RALGAPA2: variants seen among roughly 807,000 people sequenced by gnomAD.
RALGAPA2 encodes Ral GTPase activating protein catalytic subunit alpha 2, also known as ral GTPase-activating protein subunit alpha-2.
In RALGAPA2, 139 loss-of-function variants were observed where a neutral mutation model predicts 230.4. The observed-to-expected ratio is 0.60, with a 90% CI of 0.53 to 0.69. The LOEUF is 0.69. RALGAPA2 is among the 30% of genes least tolerant of loss of function. The pLI is 0.00. For synonymous variants in RALGAPA2, 847 were observed against 837.8 expected, an observed-to-expected ratio of 1.01 and a Z score of -0.19; for missense variants, 2,163 against 2,276.0, an observed-to-expected ratio of 0.95 and a Z score of 1.01.
intron 24 of RALGAPA2, among the ~76,000 whole-genome samples, chr20:20,545,992 G>A (rs1374771189): frequency 6.6e-6 from 1 of 152,178 alleles, no homozygotes; most frequent in East Asian, 1.9e-4. Context: ...CTTGAGCTCA[G>A]GAGTTTGAGG....
chr20:20,450,480 T>C (rs867033874), intron 37 of RALGAPA2, among the ~76,000 whole-genome samples: 2 of 152,256 alleles, frequency 1.3e-5, no homozygotes, highest in African/African-American at 2.4e-5. Context: ...CTAATTGGAA[T>C]TGCTTCACTT....
At chr20:20,641,329 T>C (rs995499123) in intron 5 of RALGAPA2, among the ~76,000 whole-genome samples, 1 of 152,222 alleles carries the variant, frequency 6.6e-6, no homozygotes, top group African/African-American at 2.4e-5. Context: ...ACGGCCTCAA[T>C]TATCCATAAA....
intron 11 of RALGAPA2, among the ~76,000 whole-genome samples, chr20:20,619,953 A>T (rs559504775): frequency 6.6e-6 from 1 of 152,312 alleles, no homozygotes; most frequent in South Asian, 2.1e-4. Context: ...TCTAACATGG[A>T]CAGTGGCCCC....
intron 20 of RALGAPA2, among the ~76,000 whole-genome samples, chr20:20,577,428 T>C (rs2064855044): frequency 6.6e-6 from 1 of 152,130 alleles, no homozygotes; most frequent in Non-Finnish European, 1.5e-5. Flanking sequence ...CACTGTTCCT[T>C]CTTAGAGGAA....
At chr20:20,515,545 A>G (rs2062843707) in intron 31 of RALGAPA2, among the ~76,000 whole-genome samples, 1 of 152,198 alleles carries the variant, frequency 6.6e-6, no homozygotes, top group African/African-American at 2.4e-5. Flanking sequence ...ACACATCCCT[A>G]TGAGGGAATC....
At chr20:20,567,562 C>T (rs554367457) in intron 23 of RALGAPA2, among the ~76,000 whole-genome samples, 59 of 152,278 alleles carry the variant, frequency 3.9e-4, no homozygotes, top group African/African-American at 1.3e-3. Flanking sequence ...TGGACCAATA[C>T]GCTTGCTGTG....
chr20:20,549,725 A>C (rs1278330066), intron 23 of RALGAPA2, among the ~76,000 whole-genome samples: 1 of 152,236 alleles, frequency 6.6e-6, no homozygotes, highest in African/African-American at 2.4e-5. Flanking sequence ...GGACATCCAC[A>C]AAATGCCCCA....
chr20:20,424,470 T>C (rs2060340388), intron 37 of RALGAPA2, among the ~76,000 whole-genome samples: 1 of 152,356 alleles, frequency 6.6e-6, no homozygotes, highest in South Asian at 2.1e-4. Context: ...AGTTCTGCCA[T>C]GCTGACGCCA....
intron 35 of RALGAPA2, 148 bp downstream of exon 35, chr20:20,503,203 C>T (rs557859474): frequency 2.8e-4 from 193 of 688,814 alleles, no homozygotes; most frequent in Non-Finnish European, 2.1e-4. Flanking sequence ...ACATTTAAGA[C>T]GCCTTCTTTC....
rs774951808 is a variant in RALGAPA2 at position 20,640,858 on chromosome 20, C to A, written c.393G>T (p.Arg131Ser). ...GTGCTTGAAGCCACAGAAGAAACAG[C>A]CTGATTCCTTCACATCTTATCTAAA... Reference protein sequence around the residue: ...NSIKIRCEGIRLFLLWLQALQ... With the variant: ...NSIKIRCEGISLFLLWLQALQ... The change falls in exon 6 of 40, where the codon AGG becomes AGT. Residue 131 changes from arginine to serine, a missense_variant. By Grantham distance (110) the Arg-to-Ser change is moderately radical. Coordinates refer to ENST00000202677, the MANE Select transcript of RALGAPA2 (RefSeq NM_020343.4). The A allele has an allele frequency of 1.2e-6, 2 of 1,612,584 alleles. No individual in the cohort carries two copies. The highest frequency in any genetic ancestry group is 2.2e-5 in the South Asian group (2 of 90,950).
rs183448505 is a variant in RALGAPA2 at position 20,523,970 on chromosome 20, G to T, written c.3900+436C>A. 8.7e-3 allele frequency among the ~76,000 whole-genome samples: 1,292 copies of T among 149,296 alleles called. 18 individuals carry two copies. The highest frequency in any genetic ancestry group is 0.01 in the Non-Finnish European group (705 of 67,782). ...CAGTCCTTAAGTTATTTACTTTTTTGGGGGGGGATGGAGTCTCGCTCTGTT... is the reference window on the plus strand; with the variant it reads ...CAGTCCTTAAGTTATTTACTTTTTTTGGGGGGGATGGAGTCTCGCTCTGTT... On this transcript the variant is annotated intron_variant, in intron 30 of 39. Coordinates refer to ENST00000202677, the MANE Select transcript of RALGAPA2 (RefSeq NM_020343.4).
At chr20:20,686,323 A>G (rs980847637) in intron 1 of RALGAPA2, among the ~76,000 whole-genome samples, 2 of 152,198 alleles carry the variant, frequency 1.3e-5, no homozygotes, top group African/African-American at 4.8e-5. Flanking sequence ...AGGCTGGTGG[A>G]TCACTTGAGG....
intron 23 of RALGAPA2, among the ~76,000 whole-genome samples, chr20:20,565,488 C>T (rs899325057): frequency 1.3e-5 from 2 of 152,128 alleles, no homozygotes; most frequent in African/African-American, 4.8e-5. Flanking sequence ...CACTGAGGGG[C>T]CTCATGGGAT....
chr20:20,667,799 T>C (rs1215603049), intron 3 of RALGAPA2, among the ~76,000 whole-genome samples: 1 of 152,236 alleles, frequency 6.6e-6, no homozygotes, highest in Admixed American at 6.5e-5. Context: ...GATGAAGTCC[T>C]AAGGAATTTG....
At chr20:20,635,318 T>G (rs1007032226) in intron 9 of RALGAPA2, 100 bp downstream of exon 9, 2 of 1,297,050 alleles carry the variant, frequency 1.5e-6, no homozygotes, top group Admixed American at 2.1e-5. Flanking sequence ...AACCAACAAC[T>G]TGTAAGAACC....
chr20:20,514,337 T>C (rs1171726507), intron 31 of RALGAPA2, among the ~76,000 whole-genome samples: 1 of 152,110 alleles, frequency 6.6e-6, no homozygotes, highest in African/African-American at 2.4e-5. Flanking sequence ...TCACCCTTTA[T>C]GTAGAGATCC....
In RALGAPA2 at chr20:20,503,350, C is replaced by A. The variant is rs920031259; in HGVS notation, c.5208+1G>T. ...GAATGGTGCCCGAGGAGACCCCTTA[C>A]CTTTTTGGTGAGGGAATCATCTGAG... On this transcript the variant is annotated splice_donor_variant, in intron 35 of 39. Coordinates refer to ENST00000202677, the MANE Select transcript of RALGAPA2 (RefSeq NM_020343.4). LOFTEE classifies it high-confidence loss of function. The A allele has an allele frequency of 1.9e-6, 3 of 1,579,320 alleles. No homozygotes were observed. Among genetic ancestry groups the A allele is most frequent in the Non-Finnish European group, 2.6e-6 (3 of 1,156,990 alleles).
chr20:20,463,202 CTG>C (rs2061343370), intron 37 of RALGAPA2, among the ~76,000 whole-genome samples: 1 of 102,502 alleles, frequency 9.8e-6, no homozygotes, highest in Non-Finnish European at 2.1e-5. Context: ...TTTTTTTTTT[CTG>C]TCTCACTGTT....
chr20:20,415,520 C>A (rs1602303466), intron 37 of RALGAPA2, among the ~76,000 whole-genome samples: 1 of 152,252 alleles, frequency 6.6e-6, no homozygotes, highest in South Asian at 2.1e-4. Context: ...AATTACTGAC[C>A]AGAAACCCAT....
Sources: allele counts gnomAD v4.1 joint callset (sites outside exome capture counted in the v4.1 genomes callset), GRCh38; gene constraint gnomAD v4.1.1; transcripts MANE v1.5; gene names NCBI Gene and HGNC (gene_info 2026-07-23, HGNC 2026-07-21).